Variants in NPAS3 observed in about 807,000 individuals in gnomAD.
The protein encoded by NPAS3 is neuronal PAS domain protein 3, also known as neuronal PAS domain-containing protein 3.
NPAS3 carries 14 observed loss-of-function variants against 73.1 expected under a neutral mutation model. The observed-to-expected ratio is 0.19, with a 90% confidence interval of 0.13 to 0.30. NPAS3 has a LOEUF of 0.30. NPAS3 is among the 10% of genes least tolerant of loss of function. The pLI is 1.00. For synonymous variants in NPAS3, 620 were observed against 541.5 expected (o/e 1.14, Z -2.01); for missense variants, 1,096 against 1,250.0 (o/e 0.88, Z 1.86).
At chr14:33,676,741 T>C (rs913450084) in intron 6 of NPAS3, among the ~76,000 whole-genome samples, 1 of 152,352 alleles carries the variant, frequency 6.6e-6, no homozygotes, top group Non-Finnish European at 1.5e-5. Flanking sequence ...GCAAAATCTA[T>C]GGCAGAGGCA....
intron 2 of NPAS3, among the ~76,000 whole-genome samples, chr14:33,133,672 G>A (rs1228926292): frequency 3.3e-5 from 5 of 152,200 alleles, no homozygotes; most frequent in Non-Finnish European, 7.3e-5. Flanking sequence ...TGTAGAAAAG[G>A]TGACAAGGGC....
At chr14:33,467,732 G>A (rs2050595180) in intron 4 of NPAS3, among the ~76,000 whole-genome samples, 1 of 152,108 alleles carries the variant, frequency 6.6e-6, no homozygotes, top group South Asian at 2.1e-4. Flanking sequence ...TGGAGCATGT[G>A]CGGCAGGGCT....
chr14:33,658,393 G>A (rs1361244395), intron 5 of NPAS3, among the ~76,000 whole-genome samples: 1 of 152,054 alleles, frequency 6.6e-6, no homozygotes, highest in Non-Finnish European at 1.5e-5. Flanking sequence ...TAACTTAGTT[G>A]GTCTGTTTCT....
intron 9 of NPAS3, among the ~76,000 whole-genome samples, chr14:33,792,581 C>CAAAA (rs199708187): frequency 7.9e-6 from 1 of 126,208 alleles, no homozygotes; most frequent in African/African-American, 2.9e-5. Context: ...CACCCCCCTC[C>CAAAA]AAAAAAAAAA....
intron 4 of NPAS3, among the ~76,000 whole-genome samples, chr14:33,408,661 C>T (rs775962997): frequency 6.6e-5 from 10 of 152,144 alleles, no homozygotes; most frequent in Admixed American, 1.3e-4. Context: ...TTAATAGCAG[C>T]ACATGTGGGG....
intron 4 of NPAS3, among the ~76,000 whole-genome samples, chr14:33,463,318 T>C (rs1245308982): frequency 6.6e-6 from 1 of 152,200 alleles, no homozygotes; most frequent in Non-Finnish European, 1.5e-5. Flanking sequence ...ATTATATATT[T>C]GTATCACCTC....
At chr14:33,175,810 A>C (rs1050601435) in intron 2 of NPAS3, among the ~76,000 whole-genome samples, 2 of 103,324 alleles carry the variant, frequency 1.9e-5, no homozygotes, top group African/African-American at 6.7e-5. Flanking sequence ...AAAGTATCCT[A>C]GTATTTGTAA....
Position 33,800,214 on chromosome 14 carries a change from T to C in NPAS3, c.1907T>C (p.Leu636Pro). 1 of 1,612,470 alleles carries C rather than the reference T, an allele frequency of 6.2e-7. No individual in the cohort carries two copies. The highest frequency in any genetic ancestry group is 1.1e-5 in the South Asian group (1 of 91,032). ...GCGGGCCTGGTGGAGCCCCCGCGGC[T>C]GCTGTCCTCCCCCAACAGTGCCTCG... Residue 636 changes from leucine to proline, a missense_variant, in exon 12 of 12, where the codon CTG (leucine) becomes CCG (proline). Physicochemically the swap from Leu to Pro is moderately conservative, Grantham distance 98 (BLOSUM62 -3). Transcript: ENST00000356141. The surrounding 1 kb of genome is among the most constrained non-coding windows in gnomAD (Gnocchi z 6.5).
intron 7 of NPAS3, among the ~76,000 whole-genome samples, chr14:33,751,501 A>C (rs6571614): frequency 0.12 from 17,906 of 152,200 alleles, 2,272 homozygotes; most frequent in African/African-American, 0.32. Context: ...CTGGCATTGC[A>C]AAATGCATCA....
At chr14:33,170,473 T>C (rs1488818733) in intron 2 of NPAS3, among the ~76,000 whole-genome samples, 1 of 152,216 alleles carries the variant, frequency 6.6e-6, no homozygotes, top group Non-Finnish European at 1.5e-5. Context: ...AAGACAATGA[T>C]GAAGTGTTCC....
intron 1 of NPAS3, among the ~76,000 whole-genome samples, chr14:32,967,808 A>T (rs951799038): frequency 1.8e-4 from 27 of 152,148 alleles, no homozygotes; most frequent in African/African-American, 6.5e-4. Context: ...CGGTAGTATC[A>T]TATGATCCAA....
chr14:33,505,440 A>C (rs1001085374), intron 4 of NPAS3, among the ~76,000 whole-genome samples: 1 of 152,010 alleles, frequency 6.6e-6, no homozygotes, highest in Non-Finnish European at 1.5e-5. Flanking sequence ...AAGAAAGCCC[A>C]CTTGCTGGAA....
rs142622624 is a variant in NPAS3 at position 33,172,722 on chromosome 14, A to G, written c.141-42460A>G. On this transcript the variant is annotated intron_variant, in intron 2 of 11. Transcript: ENST00000356141. ...CAGCACTCCAACTCCAACCTGGGTG[A>G]CAGCCAGACCCAGCCTTAAAAAAAA... 2.6e-5 allele frequency among the ~76,000 whole-genome samples: 4 copies of G among 151,368 alleles called. No homozygotes were observed. In the East Asian group the frequency reaches 7.8e-4, roughly 29 times the overall value.
At chr14:32,974,788 C>G (rs1209433115) in intron 1 of NPAS3, among the ~76,000 whole-genome samples, 2 of 152,168 alleles carry the variant, frequency 1.3e-5, no homozygotes, top group South Asian at 2.1e-4. Context: ...GCTGACTTCT[C>G]TTTACATCTC....
In NPAS3 at chr14:33,621,788, G is replaced by A. The variant is rs1595296709; in HGVS notation, c.559-54423G>A. On this transcript the variant is annotated intron_variant, in intron 5 of 11. Transcript: ENST00000356141. Reference sequence around the variant, plus strand: ...AAAATGAAAGAAGAAAAAAACATAAGTAAAGGCGAAATTCACACACATCCT... The same window carrying A: ...AAAATGAAAGAAGAAAAAAACATAAATAAAGGCGAAATTCACACACATCCT... 3.3e-5 allele frequency among the ~76,000 whole-genome samples: 5 copies of A among 152,192 alleles called. No individual in the cohort carries two copies. In the South Asian group the frequency reaches 1.0e-3, roughly 32 times the overall value.
chr14:33,778,086 T>C (rs950587681), intron 8 of NPAS3, among the ~76,000 whole-genome samples: 2 of 152,240 alleles, frequency 1.3e-5, no homozygotes, highest in African/African-American at 4.8e-5. Context: ...AATCATTTGG[T>C]ATAAACATAA....
At chr14:33,731,557 T>C (rs2140623457) in intron 6 of NPAS3, among the ~76,000 whole-genome samples, 1 of 152,130 alleles carries the variant, frequency 6.6e-6, no homozygotes, top group South Asian at 2.1e-4. Context: ...TTCAGCCCAG[T>C]GAGAACTAGG....
intron 2 of NPAS3, among the ~76,000 whole-genome samples, chr14:33,121,326 G>T (rs1259939090): frequency 1.3e-5 from 2 of 152,090 alleles, no homozygotes; most frequent in African/African-American, 4.8e-5. Flanking sequence ...CCATTTGTAG[G>T]CAGACAGAAT....
At chr14:33,163,184 A>G (rs921597157) in intron 2 of NPAS3, among the ~76,000 whole-genome samples, 1 of 152,214 alleles carries the variant, frequency 6.6e-6, no homozygotes, top group Non-Finnish European at 1.5e-5. Context: ...CACACAGCCA[A>G]TTACCTCAAG....
Sources: gnomAD v4.1 joint callset for allele counts (sites outside exome capture counted in the v4.1 genomes callset) on GRCh38, gnomAD v4.1.1 for gene constraint, Gnocchi (gnomAD v3.1) non-coding constraint, MANE v1.5 for transcripts, NCBI Gene and HGNC (gene_info 2026-07-23, HGNC 2026-07-21) for gene names.